Variants in ARAP1 observed in about 807,000 individuals in gnomAD.
The protein encoded by ARAP1 is arf-GAP with Rho-GAP domain, ANK repeat and PH domain-containing protein 1.
ARAP1 carries 76 observed loss-of-function variants against 172.2 expected under a neutral mutation model. The observed-to-expected ratio is 0.44, with a 90% confidence interval of 0.37 to 0.53. The LOEUF (loss-of-function observed/expected upper bound fraction) is 0.53, where lower values mean the gene tolerates loss of function less well. Ranked by LOEUF, ARAP1 falls within the 20% of genes least tolerant of loss-of-function variation. The probability of loss-of-function intolerance (pLI) is 0.00; values close to 1 mark genes in which losing one functional copy is unlikely to be tolerated. For missense variants in ARAP1, 1,686 were observed against 1,977.5 expected, an observed-to-expected ratio of 0.85 and a Z score of 2.80; for synonymous variants, 804 against 803.3, an observed-to-expected ratio of 1.00 and a Z score of -0.01.
At chr11:72,751,018 G>A (rs1266013669) in intron 1 of ARAP1, among the ~76,000 whole-genome samples, 2 of 152,108 alleles carry the variant, frequency 1.3e-5, no homozygotes, top group East Asian at 1.9e-4. Context: ...CCCAGGTGGT[G>A]GGGGTATAAA....
In ARAP1 at chr11:72,697,623, C is replaced by T; in HGVS notation, c.2764G>A (p.Val922Met). The part of the protein sequence containing the change: ...LSIQGDSENQ[V>M]LVLVERRRTL... ...CTCCTTCGCTCCACCAGCACCAGCA[C>T]CTGGTTCTCACTGTCCCCCTGGATG... Residue 922 changes from valine (V) to methionine (M), a missense_variant, in exon 20 of 35, where the codon GTG becomes ATG. Transcript: ENST00000393609. 4 of 1,614,156 alleles carry T rather than the reference C, an allele frequency of 2.5e-6. No individual in the cohort carries two copies. Among genetic ancestry groups the T allele is most frequent in the South Asian group, 1.1e-5 (1 of 91,084 alleles).
intron 3 of ARAP1, among the ~76,000 whole-genome samples, chr11:72,717,872 T>C (rs950771663): frequency 2.0e-5 from 3 of 152,144 alleles, no homozygotes; most frequent in Non-Finnish European, 2.9e-5. Flanking sequence ...GGCAGCCCAG[T>C]ACCACAGCTG....
At chr11:72,711,694 C>CTTTTTT (rs58109830) in intron 7 of ARAP1, among the ~76,000 whole-genome samples, 195 bp from the exon 8 acceptor site, 5 of 118,882 alleles carry the variant, frequency 4.2e-5, no homozygotes, top group Non-Finnish European at 5.0e-5. Context: ...TAGCACATCT[C>CTTTTTT]TTTTTTTTTT....
rs367823513 is a variant in ARAP1 at position 72,726,643 on chromosome 11, G to C, written c.486C>G (p.Thr162=). ...ACCTCACCAGCAGGCGGGGGGGTCC[G>C]GTGCGGGGCGGCACGGGTGGAACGC... ...ELSVPPVPPR[T]GPPRLLVSLP... The change falls in exon 3 of 35, where the codon ACC becomes ACG. Residue 162 remains threonine (T), a synonymous_variant. Coordinates refer to ENST00000393609, the MANE Select transcript of ARAP1 (RefSeq NM_001040118.3). The surrounding 1 kb of genome is among the most constrained non-coding windows in gnomAD (Gnocchi z 6.5). 6.6e-7 allele frequency: 1 copy of C among 1,523,004 alleles called. No individual in the cohort carries two copies. The highest frequency in any genetic ancestry group is 2.4e-5 in the East Asian group (1 of 41,922). 94.3% of individuals were successfully genotyped at this position (1,523,004 alleles called of 1,614,324 possible). A position where few individuals can be genotyped will look rare whatever the true frequency, so the allele number is the denominator to read the frequency against.
intron 19 of ARAP1, 122 bp from the exon 20 acceptor site, chr11:72,697,771 T>G: frequency 6.6e-7 from 1 of 1,517,382 alleles, no homozygotes; most frequent in Non-Finnish European, 8.9e-7. Flanking sequence ...GTGGCTGAGA[T>G]GCACCCCAAG....
chr11:72,712,378 G>C, intron 6 of ARAP1, 39 bp from the exon 7 acceptor site: 16 of 1,541,632 alleles, frequency 1.0e-5, no homozygotes, highest in Non-Finnish European at 1.4e-5. Flanking sequence ...GGGCTGAGGA[G>C]GCAAGGAGGG....
At chr11:72,707,582 G>A (rs1299277570) in intron 11 of ARAP1, among the ~76,000 whole-genome samples, 3 of 152,170 alleles carry the variant, frequency 2.0e-5, no homozygotes, top group African/African-American at 7.2e-5. Flanking sequence ...GGAGCCCAGT[G>A]GGGGGCTCTG....
Position 72,707,372 on chromosome 11 carries a change from A to C in ARAP1, c.1526T>G (p.Phe509Cys), listed in dbSNP as rs555891815. The C allele has an allele frequency of 2.0e-5, 32 of 1,611,110 alleles. No homozygotes were observed. The highest frequency in any genetic ancestry group is 2.5e-5 in the Non-Finnish European group (30 of 1,178,462). The change falls in exon 12 of 35, where the codon TTC becomes TGC. Residue 509 changes from phenylalanine (F) to cysteine (C), a missense_variant and splice_region_variant. Coordinates refer to ENST00000393609, the MANE Select transcript of ARAP1 (RefSeq NM_001040118.3). ...DLTTPYRIFS[F>C]SADSELEKEQ... ...CTTCTCTAGCTCTGAGTCAGCAGAG[A>C]AGCTGGGGACATAGGGGTGGGGAGA...
intron 18 of ARAP1, 146 bp downstream of exon 18, chr11:72,698,859 T>C: frequency 1.2e-6 from 1 of 828,478 alleles, no homozygotes; most frequent in Admixed American, 2.0e-5. Context: ...AGTAGGCTCT[T>C]GGTGGGACAG....
intron 15 of ARAP1, among the ~76,000 whole-genome samples, chr11:72,702,532 G>A (rs1366585508): frequency 6.6e-6 from 1 of 152,194 alleles, no homozygotes; most frequent in East Asian, 1.9e-4. Context: ...ATGGAGAAAT[G>A]TAACTCAGCA....
At chr11:72,698,344 G>A (rs962240249) in intron 18 of ARAP1, among the ~76,000 whole-genome samples, 2 of 152,126 alleles carry the variant, frequency 1.3e-5, no homozygotes, top group Admixed American at 6.5e-5. Context: ...CCCTTCTCTG[G>A]GCCCCCACAG....
chr11:72,689,183 T>G (rs1855820149), intron 30 of ARAP1, among the ~76,000 whole-genome samples: 1 of 152,078 alleles, frequency 6.6e-6, no homozygotes, highest in African/African-American at 2.4e-5. Context: ...GAGAGACCAA[T>G]GTACTGGGGA....
At chr11:72,723,958 C>T (rs1857609446) in intron 3 of ARAP1, among the ~76,000 whole-genome samples, 1 of 152,172 alleles carries the variant, frequency 6.6e-6, no homozygotes, top group African/African-American at 2.4e-5. Context: ...ATGTTCTGCT[C>T]AAACAGCACG....
At chr11:72,739,212 G>A (rs113740051) in intron 1 of ARAP1, among the ~76,000 whole-genome samples, 23 of 152,272 alleles carry the variant, frequency 1.5e-4, no homozygotes, top group African/African-American at 5.3e-4. Flanking sequence ...TCCATCTCTC[G>A]GGGACTGGTG....
At position 72,706,125 on chromosome 11, in the gene ARAP1, G is replaced by A. The variant is rs550174842; in HGVS notation, c.1724-235C>T. Among the ~76,000 whole-genome samples the A allele has an allele frequency of 2.6e-5, 4 of 152,304 alleles. No individual in the cohort carries two copies. In the South Asian group the frequency reaches 8.3e-4, roughly 32 times the overall value. On this transcript the variant is annotated intron_variant, in intron 12 of 34. Coordinates refer to ENST00000393609, the MANE Select transcript of ARAP1 (RefSeq NM_001040118.3). ...ACCAGCCCTCTGCAACTGGCCCCCT[G>A]GAACCATGCTTGGCCTCTTGCAGGC... is the stretch of plus-strand genomic sequence containing the variant.
At chr11:72,694,703 C>T (rs746327252) in intron 27 of ARAP1, among the ~76,000 whole-genome samples, 4 of 152,160 alleles carry the variant, frequency 2.6e-5, no homozygotes. Context: ...CAGCCTCATC[C>T]TCCACTGCCA....
At position 72,699,286 on chromosome 11, in the gene ARAP1, C is replaced by T; in HGVS notation, c.2438+131G>A. On this transcript the variant is annotated intron_variant, in intron 17 of 34. Transcript: ENST00000393609. The surrounding 1 kb of genome is among the most constrained non-coding windows in gnomAD (Gnocchi z 4.2). ...TGGGGCCTCAAGAGACTGGAGTCGG[C>T]CCTTGTGCAGCCTCCGTTTGCTGTG... 6 of 1,464,860 alleles carry T rather than the reference C, an allele frequency of 4.1e-6. No homozygotes were observed. The highest frequency in any genetic ancestry group is 5.6e-6 in the Non-Finnish European group (6 of 1,080,986). The allele number at this position is 1,464,860 out of a possible 1,614,324, so 90.7% of individuals were successfully genotyped here. A position where few individuals can be genotyped will look rare whatever the true frequency, so the allele number is the denominator to read the frequency against.
At chr11:72,694,454 C>T (rs1168974661) in intron 27 of ARAP1, among the ~76,000 whole-genome samples, 1 of 151,928 alleles carries the variant, frequency 6.6e-6, no homozygotes, top group Admixed American at 6.6e-5. Context: ...CTTTTGCCTT[C>T]TTCACCAAGT....
At chr11:72,713,460 A>G (rs1857125993) in intron 4 of ARAP1, among the ~76,000 whole-genome samples, 1 of 152,190 alleles carries the variant, frequency 6.6e-6, no homozygotes, top group African/African-American at 2.4e-5. Flanking sequence ...CTGGGACACC[A>G]CAAGGAGGTC....
Sources: gnomAD v4.1 joint callset for allele counts (sites outside exome capture counted in the v4.1 genomes callset) on GRCh38, gnomAD v4.1.1 for gene constraint, Gnocchi (gnomAD v3.1) non-coding constraint, MANE v1.5 for transcripts, NCBI Gene and HGNC (gene_info 2026-07-23, HGNC 2026-07-21) for gene names.